The following NDST4 variants were observed in gnomAD, a reference collection of about 807,000 sequenced individuals.
The protein encoded by NDST4 is N-deacetylase and N-sulfotransferase 4, also known as N-heparan sulfate sulfotransferase 4.
A neutral mutation model predicts 100.8 loss-of-function variants in NDST4; 63 were observed. The ratio of observed to expected loss-of-function variants is 0.62; its 90% confidence interval spans 0.51 to 0.77. NDST4 has a LOEUF of 0.77. Among genes scored for constraint, NDST4 ranks in the 30% least tolerant of loss-of-function variants. The pLI is 0.00. For synonymous variants in NDST4, 377 were observed against 361.8 expected, an observed-to-expected ratio of 1.04 and a Z score of -0.48; for missense variants, 943 against 1,018.4, an observed-to-expected ratio of 0.93 and a Z score of 1.01.
intron 2 of NDST4, among the ~76,000 whole-genome samples, chr4:115,038,513 C>T (rs1728280883): frequency 6.6e-6 from 1 of 152,108 alleles, no homozygotes. Flanking sequence ...AATACCCACT[C>T]ACTGAATTTA....
intron 2 of NDST4, among the ~76,000 whole-genome samples, chr4:115,022,479 C>CATATATATGTGTTCCAT (rs1727877386): frequency 3.6e-5 from 5 of 137,478 alleles, no homozygotes; most frequent in Admixed American, 7.5e-5. Flanking sequence ...ATATGTGTTC[C>CATATATATGTGTTCCAT]ATATATATGT....
At chr4:114,908,955 T>C (rs1725008001) in intron 6 of NDST4, among the ~76,000 whole-genome samples, 1 of 152,176 alleles carries the variant, frequency 6.6e-6, no homozygotes. Context: ...ATATTATCAG[T>C]TATAAAGACA....
chr4:115,104,964 T>C (rs1474172800), intron 1 of NDST4, among the ~76,000 whole-genome samples: 1 of 152,108 alleles, frequency 6.6e-6, no homozygotes, highest in Non-Finnish European at 1.5e-5. Flanking sequence ...TTTGGACTTA[T>C]TGTTATGTTT....
At chr4:114,995,161 A>G (rs570183618) in intron 2 of NDST4, among the ~76,000 whole-genome samples, 91 of 152,178 alleles carry the variant, frequency 6.0e-4, no homozygotes, top group African/African-American at 1.7e-3. Flanking sequence ...GTAGAAAGCT[A>G]TGCAGTTATA....
At chr4:115,020,702 C>A (rs571132450) in intron 2 of NDST4, among the ~76,000 whole-genome samples, 13 of 151,658 alleles carry the variant, frequency 8.6e-5, no homozygotes, top group Non-Finnish European at 1.8e-4. Context: ...ACAATGAAGT[C>A]AAACAAATTA....
chr4:114,863,715 C>T (rs1304375088), intron 7 of NDST4, among the ~76,000 whole-genome samples: 2 of 152,184 alleles, frequency 1.3e-5, no homozygotes, highest in African/African-American at 2.4e-5. Flanking sequence ...AGTGAAAGTA[C>T]ATGTAACTCA....
At chr4:114,967,467 T>G (rs2126239346) in intron 4 of NDST4, among the ~76,000 whole-genome samples, 1 of 152,220 alleles carries the variant, frequency 6.6e-6, no homozygotes, top group South Asian at 2.1e-4. Flanking sequence ...TTCTCAGAGC[T>G]CTCAGCATGG....
At position 115,022,139 on chromosome 4, in the gene NDST4, G is replaced by A. The variant is rs542545119; in HGVS notation, c.979-44865C>T. ...CGTTCCATATATATATACGTTCCAC[G>A]TCTATGCACGTTCCATATATATACA... On this transcript the variant is annotated intron_variant, in intron 2 of 13. Transcript: ENST00000264363. 5.2e-4 allele frequency among the ~76,000 whole-genome samples: 73 copies of A among 139,886 alleles called. 1 individual carries two copies. The highest frequency in any genetic ancestry group is 1.5e-3 in the African/African-American group (51 of 34,718). 91.8% of individuals were successfully genotyped at this position (139,886 alleles called of 152,430 possible).
intron 8 of NDST4, among the ~76,000 whole-genome samples, chr4:114,850,827 C>T (rs1409222543): frequency 1.3e-5 from 2 of 152,008 alleles, no homozygotes; most frequent in African/African-American, 2.4e-5. Flanking sequence ...TTGACAATAC[C>T]AGAATTTGAC....
rs1260303130 is a variant in NDST4 at position 114,827,884 on chromosome 4, T to G, written c.2551A>C (p.Lys851Gln). ...GGCTGTCCCAGTCTGTGTAGCAGTT[T>G]GGATAGTTCCACATTATGATCTCGG... ...YYRDHNVELS[K>Q]LLHRLGQPLP... The change falls in exon 14 of 14, where the codon AAA becomes CAA. Residue 851 changes from lysine to glutamine, a missense_variant. Transcript: ENST00000264363. 1 of 1,612,130 alleles carries G rather than the reference T, an allele frequency of 6.2e-7. No homozygotes were observed.
rs117065511 is a variant in NDST4, at chr4:115,013,192, T to C, written c.979-35918A>G. ...ATAAACAATAATTTATTGTACATTT[T>C]AATAACCAAACAAGTATAATTGGAA... is the stretch of plus-strand genomic sequence containing the variant. On this transcript the variant is annotated intron_variant, in intron 2 of 13. Coordinates refer to ENST00000264363, the MANE Select transcript of NDST4 (RefSeq NM_022569.3). 7.7e-4 allele frequency among the ~76,000 whole-genome samples: 116 copies of C among 151,356 alleles called. 2 individuals are homozygous for C. In the East Asian group the frequency reaches 0.019, roughly 25 times the overall value.
At chr4:114,843,035 C>T (rs1161088662) in intron 10 of NDST4, among the ~76,000 whole-genome samples, 1 of 151,940 alleles carries the variant, frequency 6.6e-6, no homozygotes, top group Non-Finnish European at 1.5e-5. Context: ...TGATGTAGTA[C>T]TAGACTCATC....
At chr4:115,007,411 G>A (rs781087674) in intron 2 of NDST4, among the ~76,000 whole-genome samples, 6 of 152,250 alleles carry the variant, frequency 3.9e-5, no homozygotes, top group Non-Finnish European at 5.9e-5. Context: ...CAGGCTATAC[G>A]CAATTGAAAA....
intron 4 of NDST4, among the ~76,000 whole-genome samples, chr4:114,943,543 A>G (rs1015729559): frequency 7.2e-5 from 11 of 152,192 alleles, no homozygotes; most frequent in Admixed American, 2.6e-4. Context: ...GAATATCTCT[A>G]CATTAAAACT....
At chr4:114,906,207 G>C (rs1347099272) in intron 6 of NDST4, among the ~76,000 whole-genome samples, 1 of 152,068 alleles carries the variant, frequency 6.6e-6, no homozygotes, top group East Asian at 1.9e-4. Flanking sequence ...AAGGGAGAAA[G>C]ATTGAAAAGA....
intron 7 of NDST4, among the ~76,000 whole-genome samples, chr4:114,853,561 T>C (rs1578344414): frequency 6.6e-6 from 1 of 152,220 alleles, no homozygotes; most frequent in East Asian, 1.9e-4. Flanking sequence ...AAAGGGCTTT[T>C]AAAATTAAAA....
intron 6 of NDST4, among the ~76,000 whole-genome samples, chr4:114,934,742 T>A (rs1725591245): frequency 6.6e-6 from 1 of 151,870 alleles, no homozygotes; most frequent in South Asian, 2.1e-4. Flanking sequence ...AGAGAATAAA[T>A]ATTTTAAATG....
chr4:114,854,216 G>T (rs1386324831), intron 7 of NDST4, among the ~76,000 whole-genome samples: 2 of 152,134 alleles, frequency 1.3e-5, no homozygotes, highest in Non-Finnish European at 2.9e-5. Context: ...AAATGCATGA[G>T]AACATGTGAA....
rs539977757 is a variant in NDST4, at chr4:114,997,093, G to A, written c.979-19819C>T. On this transcript the variant is annotated intron_variant, in intron 2 of 13. Coordinates refer to ENST00000264363, the MANE Select transcript of NDST4 (RefSeq NM_022569.3). Reference sequence around the variant, plus strand: ...TATTTTTCACTTCCTCCTATTTTCCGCTTATCCAGGATAATGATGTGACCT... The same window carrying A: ...TATTTTTCACTTCCTCCTATTTTCCACTTATCCAGGATAATGATGTGACCT... Among the ~76,000 whole-genome samples the A allele has an allele frequency of 1.0e-3, 156 of 152,014 alleles. 1 individual carries two copies. The highest frequency in any genetic ancestry group is 3.4e-3 in the Middle Eastern group (1 of 294).
Sources: gnomAD v4.1 joint callset for allele counts (sites outside exome capture counted in the v4.1 genomes callset) on GRCh38, gnomAD v4.1.1 for gene constraint, MANE v1.5 for transcripts, NCBI Gene and HGNC (gene_info 2026-07-23, HGNC 2026-07-21) for gene names.